The following CYFIP1 variants were observed in gnomAD, a reference collection of about 807,000 sequenced individuals.
CYFIP1 encodes cytoplasmic FMR1 interacting protein 1, also known as cytoplasmic FMR1-interacting protein 1.
A neutral mutation model predicts 163.5 loss-of-function variants in CYFIP1; 58 were observed. The observed-to-expected ratio is 0.35, with a 90% CI of 0.29 to 0.44. The LOEUF (loss-of-function observed/expected upper bound fraction) is 0.44. Among genes scored for constraint, CYFIP1 ranks in the 20% least tolerant of loss-of-function variants. The pLI, the probability that CYFIP1 is intolerant of heterozygous loss-of-function variation, is 1.00. For synonymous variants in CYFIP1, 663 were observed against 660.7 expected (o/e 1.00, Z -0.05); for missense variants, 1,338 against 1,653.8 (o/e 0.81, Z 3.31).
chr15:22,948,806 T>C (rs2062145482), intron 1 of CYFIP1, among the ~76,000 whole-genome samples: 2 of 64,434 alleles, frequency 3.1e-5, no homozygotes, highest in African/African-American at 9.7e-5. Flanking sequence ...ACTACTGAAA[T>C]GTAAAAAAAA....
chr15:22,868,536 CTGCAGCAGAA>C lies in CYFIP1; in HGVS notation c.*1482_*1491del, dbSNP rs1207330912. On this transcript the variant is annotated 3_prime_UTR_variant, in exon 31 of 31. Coordinates refer to ENST00000617928, the MANE Select transcript of CYFIP1 (RefSeq NM_014608.6). ...ATAAGCACAGCTACCACCTCTAAATCTGCAGCAGAATGCTGGCCCCAGGGTTATTAATTCA... is the reference window on the plus strand; with the variant it reads ...ATAAGCACAGCTACCACCTCTAAATCTGCTGGCCCCAGGGTTATTAATTCA... 6.6e-6 allele frequency: 1 copy of C among 152,096 alleles called. No individual in the cohort carries two copies. Among genetic ancestry groups the C allele is most frequent in the African/African-American group, 2.4e-5 (1 of 41,390 alleles). The allele number at this position is 152,096 out of a possible 1,614,324, so 9.4% of individuals were successfully genotyped here. A position where few individuals can be genotyped will look rare whatever the true frequency, so the allele number is the denominator to read the frequency against.
intron 23 of CYFIP1, among the ~76,000 whole-genome samples, chr15:22,892,487 C>G (rs761241213): frequency 6.6e-6 from 1 of 152,148 alleles, no homozygotes; most frequent in South Asian, 2.1e-4. Context: ...TCCGGTCAGG[C>G]CTTACAGCCA....
chr15:22,898,343 C>T (rs921191690), intron 22 of CYFIP1, among the ~76,000 whole-genome samples: 1 of 152,008 alleles, frequency 6.6e-6, no homozygotes, highest in East Asian at 1.9e-4. Flanking sequence ...CTGCAACCTC[C>T]ATGTCCTGGG....
chr15:22,908,202 G>A (rs879093555), intron 21 of CYFIP1, among the ~76,000 whole-genome samples: 1 of 152,122 alleles, frequency 6.6e-6, no homozygotes, highest in African/African-American at 2.4e-5. Context: ...GACTCACACT[G>A]CAAATTTTTG....
chr15:22,935,055 T>C (rs2061671743), intron 9 of CYFIP1, among the ~76,000 whole-genome samples: 1 of 152,110 alleles, frequency 6.6e-6, no homozygotes, highest in Admixed American at 6.5e-5. Flanking sequence ...CAGTCAATAT[T>C]CCAGAAGAAA....
At chr15:22,918,036 C>T (rs2061051868) in intron 14 of CYFIP1, 101 bp from the exon 15 acceptor site, 1 of 1,365,082 alleles carries the variant, frequency 7.3e-7, no homozygotes, top group Non-Finnish European at 1.0e-6. Context: ...TCAGAACAGC[C>T]CCCATGAAAA....
chr15:22,961,104 C>T (rs2062665723), intron 1 of CYFIP1, among the ~76,000 whole-genome samples: 1 of 151,788 alleles, frequency 6.6e-6, no homozygotes, highest in African/African-American at 2.4e-5. Flanking sequence ...TCACTGCAAC[C>T]TCCGCCTCCT....
chr15:22,909,389 AC>A, intron 20 of CYFIP1, 76 bp from the exon 21 acceptor site: 1 of 1,571,876 alleles, frequency 6.4e-7, no homozygotes, highest in Non-Finnish European at 8.7e-7. Flanking sequence ...CTCACCAGAG[AC>A]CCTGGAGAAG....
upstream of CYFIP1, among the ~76,000 whole-genome samples, chr15:22,980,752 A>G (rs1248274660): frequency 6.6e-6 from 1 of 152,080 alleles, no homozygotes; most frequent in Non-Finnish European, 1.5e-5. Flanking sequence ...GGGGACACCC[A>G]GGACGCCCGT....
At chr15:22,932,449 T>A in intron 10 of CYFIP1, 109 bp from the exon 11 acceptor site, 1 of 635,980 alleles carries the variant, frequency 1.6e-6, no homozygotes, top group Non-Finnish European at 2.6e-6. Flanking sequence ...ATGGCTTTTA[T>A]GTTTTTAAAG....
rs200008444 is a variant in CYFIP1 at position 22,869,664 on chromosome 15, AC to A, written c.*363del. On this transcript the variant is annotated 3_prime_UTR_variant, in exon 31 of 31. Transcript: ENST00000617928. ...ATCCCTAAACAAAAGCTAAATAGTT[AC>A]AGTTAATGGTAACTGGCAAGGGATT... 7.4e-3 allele frequency: 1,203 copies of A among 163,272 alleles called. 9 individuals carry two copies. Among genetic ancestry groups the A allele is most frequent in the Non-Finnish European group, 0.011 (828 of 75,788 alleles). 10.1% of individuals were successfully genotyped at this position (163,272 alleles called of 1,614,324 possible). A position where few individuals can be genotyped will look rare whatever the true frequency, so the allele number is the denominator to read the frequency against.
chr15:22,936,014 G>A (rs1448543258), intron 9 of CYFIP1, among the ~76,000 whole-genome samples: 1 of 152,202 alleles, frequency 6.6e-6, no homozygotes, highest in Non-Finnish European at 1.5e-5. Context: ...GCTCAGGCCT[G>A]TAATCTTGGC....
At chr15:22,929,948 A>C (rs1382615028) in intron 11 of CYFIP1, among the ~76,000 whole-genome samples, 2 of 151,836 alleles carry the variant, frequency 1.3e-5, no homozygotes, top group African/African-American at 2.4e-5. Context: ...AAACAAACAA[A>C]AAAAAGACTA....
rs150656291 is a variant in CYFIP1 at position 22,944,621 on chromosome 15, G to A, written c.324C>T (p.Tyr108=). 3.1e-4 allele frequency: 498 copies of A among 1,613,756 alleles called. No individual in the cohort carries two copies. The highest frequency in any genetic ancestry group is 4.9e-4 in the African/African-American group (37 of 74,920). Residue 108 remains tyrosine, a synonymous_variant, in exon 5 of 31, where the codon TAC becomes TAT. Transcript: ENST00000617928. ...CNEQPNRVEI[Y]EKTVEVLEPE... is the part of the protein sequence containing the mutation. ...GCTCCAGAACCTCCACGGTTTTCTC[G>A]TAGATTTCCACTCTGTTAGGCTGCT...
chr15:22,892,886 C>T lies in CYFIP1; in HGVS notation c.2676+4G>A. The T allele has an allele frequency of 6.2e-7, 1 of 1,606,764 alleles. No individual in the cohort carries two copies. Among genetic ancestry groups the T allele is most frequent in the Non-Finnish European group, 8.5e-7 (1 of 1,173,872 alleles). On this transcript the variant is annotated splice_donor_region_variant and intron_variant, in intron 23 of 30. Transcript: ENST00000617928. Reference sequence around the variant, plus strand: ...GCTCGTAACACGAACACATTGGAGCCTACCTTGGATCCATGCAGATACTGA... The same window carrying T: ...GCTCGTAACACGAACACATTGGAGCTTACCTTGGATCCATGCAGATACTGA...
At chr15:22,906,028 G>A (rs2060566969) in intron 21 of CYFIP1, among the ~76,000 whole-genome samples, 1 of 151,988 alleles carries the variant, frequency 6.6e-6, no homozygotes, top group South Asian at 2.1e-4. Flanking sequence ...CAAAGTGCTG[G>A]GATTACAGGC....
chr15:22,943,990 G>C (rs2061974111), intron 5 of CYFIP1, among the ~76,000 whole-genome samples: 1 of 152,094 alleles, frequency 6.6e-6, no homozygotes, highest in South Asian at 2.1e-4. Context: ...TGTAATCTCA[G>C]CATTTTGGGA....
chr15:22,979,690 G>A (rs1028589742), intron 1 of CYFIP1, among the ~76,000 whole-genome samples: 1 of 152,270 alleles, frequency 6.6e-6, no homozygotes. Flanking sequence ...CAATTCAGAT[G>A]CTTGTGCGAA....
rs147480713 is a variant in CYFIP1, at chr15:22,942,774, C to T, written c.569+399G>A. On this transcript the variant is annotated intron_variant, in intron 6 of 30. Coordinates refer to ENST00000617928, the MANE Select transcript of CYFIP1 (RefSeq NM_014608.6). ...ACCCCCGCTGGCGAGTGACCGGCACCGAGGACTGCAGCCCCAACGCCCAAG... is the reference window on the plus strand; with the variant it reads ...ACCCCCGCTGGCGAGTGACCGGCACTGAGGACTGCAGCCCCAACGCCCAAG... Among the ~76,000 whole-genome samples, 820 of 152,296 alleles carry T rather than the reference C, an allele frequency of 5.4e-3. 4 individuals carry two copies. The highest frequency in any genetic ancestry group is 8.5e-3 in the Non-Finnish European group (576 of 68,014).
Sources: gnomAD v4.1 joint callset for allele counts (sites outside exome capture counted in the v4.1 genomes callset) on GRCh38, gnomAD v4.1.1 for gene constraint, MANE v1.5 for transcripts, NCBI Gene and HGNC (gene_info 2026-07-23, HGNC 2026-07-21) for gene names.